ZNF410: variants seen among roughly 807,000 people sequenced by gnomAD.
ZNF410 encodes another partner for ARF 1.
In ZNF410, 18 loss-of-function variants were observed where a neutral mutation model predicts 54.8. The observed-to-expected ratio is 0.33, with a 90% CI of 0.23 to 0.49. The LOEUF is 0.49. Ranked by LOEUF, ZNF410 falls within the 20% of genes least tolerant of loss-of-function variation. The pLI is 0.99. For missense variants in ZNF410, 405 were observed against 569.6 expected (o/e 0.71, Z 2.94); for synonymous variants, 191 against 207.3 (o/e 0.92, Z 0.68).
chr14:73,904,090 A>G lies in ZNF410; in HGVS notation c.711A>G (p.Lys237=). The G allele has an allele frequency of 3.1e-6, 5 of 1,614,150 alleles. No homozygotes were observed. The highest frequency in any genetic ancestry group is 4.2e-6 in the Non-Finnish European group (5 of 1,180,016). Residue 237 remains lysine, a synonymous_variant, in exon 6 of 12, where the codon AAA becomes AAG. Transcript: ENST00000555044. ...CATTTGTATGGCCAGCTCACTTTAA[A>G]TACCACCTCAAGACTCATCGGTGAG... The part of the protein sequence containing the change: ...DRTFVWPAHF[K]YHLKTHRNDR...
intron 5 of ZNF410, among the ~76,000 whole-genome samples, chr14:73,900,036 A>G (rs1203485668): frequency 1.3e-5 from 2 of 152,040 alleles, no homozygotes; most frequent in Non-Finnish European, 2.9e-5. Context: ...TCTCTACTAA[A>G]AATACAAAAT....
At chr14:73,918,826 G>A (rs933196502) in intron 8 of ZNF410, among the ~76,000 whole-genome samples, 1 of 149,604 alleles carries the variant, frequency 6.7e-6, no homozygotes, top group African/African-American at 2.5e-5. Context: ...AGCGTACCGA[G>A]TAGCTGGGAC....
intron 11 of ZNF410, 89 bp downstream of exon 11, chr14:73,923,611 CA>C (rs2055787053): frequency 6.7e-7 from 1 of 1,496,058 alleles, no homozygotes; most frequent in Admixed American, 2.2e-5. Context: ...CTCCAGTTTC[CA>C]TTTCCTGGAA....
chr14:73,900,894 G>A (rs1381015015), intron 5 of ZNF410, among the ~76,000 whole-genome samples: 1 of 152,082 alleles, frequency 6.6e-6, no homozygotes. Flanking sequence ...TTTTATGTGT[G>A]GTCCAAGACA....
At chr14:73,928,823 C>G (rs2055871061) in intron 11 of ZNF410, among the ~76,000 whole-genome samples, 1 of 152,070 alleles carries the variant, frequency 6.6e-6, no homozygotes, top group Non-Finnish European at 1.5e-5. Context: ...TGGTGCATAC[C>G]TGTAGTCCCA....
At position 73,931,757 on chromosome 14, in the gene ZNF410, G is replaced by A. The variant is rs1663192971; in HGVS notation, c.*216G>A. 1 of 558,880 alleles carries A rather than the reference G, an allele frequency of 1.8e-6. No homozygotes were observed. The highest frequency in any genetic ancestry group is 1.9e-5 in the African/African-American group (1 of 52,310). 34.6% of individuals were successfully genotyped at this position (558,880 alleles called of 1,614,324 possible). A position where few individuals can be genotyped will look rare whatever the true frequency, so the allele number is the denominator to read the frequency against. On this transcript the variant is annotated 3_prime_UTR_variant, in exon 12 of 12. Coordinates refer to ENST00000555044, the MANE Select transcript of ZNF410 (RefSeq NM_021188.3). ...TCAGACAAGGAATGAAGCAATGACT[G>A]TGGGCTGGGAAACTGTACCTACCTC...
Position 73,889,431 on chromosome 14 carries a change from CAAA to C in ZNF410, c.-150+2536_-150+2538del, listed in dbSNP as rs11330316. On this transcript the variant is annotated intron_variant, in intron 1 of 11. Coordinates refer to ENST00000555044, the MANE Select transcript of ZNF410 (RefSeq NM_021188.3). ...TGCGTGACAGAGCGAGACTCAGTCT[CAAA>C]AAAAAAAAAAAAAAAAAAAGAAATA... Among the ~76,000 whole-genome samples, 456 of 84,974 alleles carry C rather than the reference CAAA, an allele frequency of 5.4e-3. 1 individual carries two copies. The highest frequency in any genetic ancestry group is 0.017 in the African/African-American group (431 of 24,916). The allele number at this position is 84,974 out of a possible 152,430, so 55.7% of individuals were successfully genotyped here.
intron 11 of ZNF410, among the ~76,000 whole-genome samples, chr14:73,928,531 A>G (rs149290792): frequency 1.3e-3 from 194 of 152,302 alleles, no homozygotes; most frequent in African/African-American, 4.5e-3. Flanking sequence ...AATATCCAGT[A>G]ATAGTACATT....
intron 7 of ZNF410, among the ~76,000 whole-genome samples, chr14:73,906,133 G>C (rs2055487294): frequency 1.3e-5 from 2 of 151,354 alleles, no homozygotes; most frequent in African/African-American, 4.9e-5. Flanking sequence ...TGAGTAGCTG[G>C]GACTACAGGC....
intron 8 of ZNF410, among the ~76,000 whole-genome samples, chr14:73,918,756 TG>T (rs1326276032): frequency 7.1e-6 from 1 of 140,056 alleles, no homozygotes; most frequent in Non-Finnish European, 1.5e-5. Context: ...TGGAGTGCAG[TG>T]GCGTGATGTC....
chr14:73,926,446 G>C (rs945160434), intron 11 of ZNF410, among the ~76,000 whole-genome samples: 1 of 149,246 alleles, frequency 6.7e-6, no homozygotes, highest in African/African-American at 2.5e-5. Flanking sequence ...TTTTGTTTTT[G>C]TTTTGAGACT....
At chr14:73,892,729 T>C (rs1195369636) in intron 2 of ZNF410, among the ~76,000 whole-genome samples, 1 of 152,202 alleles carries the variant, frequency 6.6e-6, no homozygotes, top group African/African-American at 2.4e-5. Context: ...TGCTCCTAAC[T>C]AGTCTTGTGA....
intron 4 of ZNF410, 100 bp from the exon 5 acceptor site, chr14:73,897,971 C>CAAA (rs5809635): frequency 0.062 from 41,692 of 675,260 alleles, 1,249 homozygotes; most frequent in East Asian, 0.21. Context: ...GACGCCGTCT[C>CAAA]AAAAAAAAAA....
At chr14:73,915,361 A>G (rs970090122) in intron 8 of ZNF410, among the ~76,000 whole-genome samples, 5 of 151,098 alleles carry the variant, frequency 3.3e-5, no homozygotes, top group African/African-American at 1.2e-4. Context: ...TTTTTAAGAC[A>G]AAGTCTTACT....
chr14:73,915,064 A>C (rs2055643114), intron 8 of ZNF410, among the ~76,000 whole-genome samples: 1 of 148,172 alleles, frequency 6.7e-6, no homozygotes, highest in Non-Finnish European at 1.5e-5. Context: ...GGAGTTCTAG[A>C]CCAGCCTGGC....
In ZNF410 at chr14:73,909,512, C is replaced by A. The variant is rs1278522012; in HGVS notation, c.1003+82C>A. On this transcript the variant is annotated intron_variant, in intron 8 of 11. Coordinates refer to ENST00000555044, the MANE Select transcript of ZNF410 (RefSeq NM_021188.3). The stretch of plus-strand genomic sequence containing the variant: ...GGTTGTGGGGGTGATATAAAGACAA[C>A]TAAAAAGAAACAAACTGTTCACTAT... The A allele has an allele frequency of 6.1e-6, 7 of 1,152,408 alleles. No individual in the cohort carries two copies. The South Asian group carries it at 9.4e-5, about 15-fold the overall frequency. The allele number at this position is 1,152,408 out of a possible 1,614,324, so 71.4% of individuals were successfully genotyped here.
intron 8 of ZNF410, among the ~76,000 whole-genome samples, chr14:73,911,130 G>T (rs759826174): frequency 3.9e-4 from 60 of 152,124 alleles, no homozygotes; most frequent in Non-Finnish European, 7.5e-4. Flanking sequence ...AGAGTAAGTA[G>T]CATAACTTTT....
chr14:73,894,423 C>CTTTTTTTT, intron 3 of ZNF410: 1 of 633,382 alleles, frequency 1.6e-6, no homozygotes, highest in South Asian at 1.7e-5. Flanking sequence ...TACATACTTG[C>CTTTTTTTT]TTTTTTTTTT....
At position 73,932,192 on chromosome 14, in the gene ZNF410, G is replaced by T. The variant is rs1001147473; in HGVS notation, c.*651G>T. 5.9e-6 allele frequency: 2 copies of T among 338,954 alleles called. No individual in the cohort carries two copies. Among genetic ancestry groups the T allele is most frequent in the Admixed American group, 4.4e-5 (1 of 22,518 alleles). 21.0% of individuals were successfully genotyped at this position (338,954 alleles called of 1,614,324 possible). On this transcript the variant is annotated 3_prime_UTR_variant, in exon 12 of 12. Coordinates refer to ENST00000555044, the MANE Select transcript of ZNF410 (RefSeq NM_021188.3). ...GAACATACAGTAGCATGTTAAGAGG[G>T]ATTTCATGTTTTTGTTTTTTTAAAG...
Sources: gnomAD v4.1 joint callset for allele counts (sites outside exome capture counted in the v4.1 genomes callset) on GRCh38, gnomAD v4.1.1 for gene constraint, MANE v1.5 for transcripts, NCBI Gene and HGNC (gene_info 2026-07-23, HGNC 2026-07-21) for gene names.